MAGI2: variants seen among roughly 807,000 people sequenced by gnomAD.
MAGI2 encodes membrane-associated guanylate kinase, WW and PDZ domain-containing protein 2.
Under a neutral mutation model 133.3 loss-of-function variants are expected in MAGI2, and 35 were observed. The ratio of observed to expected loss-of-function variants is 0.26; its 90% CI spans 0.20 to 0.35. The LOEUF (loss-of-function observed/expected upper bound fraction) is 0.35. Ranked by LOEUF, MAGI2 falls within the 10% of genes least tolerant of loss-of-function variation. The pLI is 1.00. For missense variants in MAGI2, 1,636 were observed against 1,863.4 expected (o/e 0.88, Z 2.25); for synonymous variants, 729 against 710.6 (o/e 1.03, Z -0.41).
At chr7:78,966,414 G>A (rs914061339) in intron 2 of MAGI2, among the ~76,000 whole-genome samples, 2 of 152,056 alleles carry the variant, frequency 1.3e-5, no homozygotes, top group African/African-American at 2.4e-5. Context: ...TCTCATGTAA[G>A]TGAAATCATG....
chr7:79,019,263 T>C (rs1014924413), intron 1 of MAGI2, among the ~76,000 whole-genome samples: 2 of 152,196 alleles, frequency 1.3e-5, no homozygotes, highest in Non-Finnish European at 2.9e-5. Flanking sequence ...AATCCCCACG[T>C]GTCAAGGGCA....
chr7:78,279,945 A>G (rs1354817314), intron 9 of MAGI2, among the ~76,000 whole-genome samples: 1 of 152,174 alleles, frequency 6.6e-6, no homozygotes, highest in Non-Finnish European at 1.5e-5. Flanking sequence ...CCTCAAACCC[A>G]GCAGCAATCT....
chr7:78,297,324 A>G (rs1422124364), intron 9 of MAGI2, among the ~76,000 whole-genome samples: 1 of 152,010 alleles, frequency 6.6e-6, no homozygotes, highest in Non-Finnish European at 1.5e-5. Context: ...AAAAGTCAGG[A>G]AACAACAGGT....
chr7:78,517,212 C>T (rs1020750138), intron 4 of MAGI2, among the ~76,000 whole-genome samples: 3 of 135,776 alleles, frequency 2.2e-5, no homozygotes, highest in African/African-American at 5.0e-5. Context: ...TTTTAAACAT[C>T]GGTTCAAAAA....
At chr7:78,324,446 A>G (rs555942796) in intron 9 of MAGI2, among the ~76,000 whole-genome samples, 1 of 152,286 alleles carries the variant, frequency 6.6e-6, no homozygotes, top group Admixed American at 6.5e-5. Flanking sequence ...GGCTTATTGC[A>G]CACTGCTGGT....
At chr7:79,342,507 A>C (rs1563134259) in intron 1 of MAGI2, among the ~76,000 whole-genome samples, 1 of 152,194 alleles carries the variant, frequency 6.6e-6, no homozygotes, top group Non-Finnish European at 1.5e-5. Flanking sequence ...AATGATTTAG[A>C]TGCTTTTTTA....
intron 7 of MAGI2, among the ~76,000 whole-genome samples, chr7:78,355,743 C>T (rs991882560): frequency 6.6e-6 from 1 of 152,146 alleles, no homozygotes; most frequent in African/African-American, 2.4e-5. Context: ...ACACTTCAGC[C>T]AGGTGATTCT....
intron 6 of MAGI2, among the ~76,000 whole-genome samples, chr7:78,394,271 T>C (rs1796149001): frequency 6.6e-6 from 1 of 152,230 alleles, no homozygotes; most frequent in African/African-American, 2.4e-5. Flanking sequence ...ACCCTACTTA[T>C]GACTGCCAGA....
intron 2 of MAGI2, among the ~76,000 whole-genome samples, chr7:78,629,104 T>C (rs527944761): frequency 1.6e-4 from 24 of 152,274 alleles, no homozygotes; most frequent in African/African-American, 5.3e-4. Flanking sequence ...TGGAGTAACA[T>C]GGCTGTACCA....
chr7:78,491,983 C>A (rs1793664742), intron 5 of MAGI2, among the ~76,000 whole-genome samples: 2 of 151,398 alleles, frequency 1.3e-5, no homozygotes, highest in African/African-American at 4.8e-5. Flanking sequence ...AAATACATTT[C>A]TCTTCCTTTT....
chr7:79,134,475 G>T (rs1478545222), intron 1 of MAGI2, among the ~76,000 whole-genome samples: 1 of 152,118 alleles, frequency 6.6e-6, no homozygotes, highest in African/African-American at 2.4e-5. Flanking sequence ...ATGAGTTTCA[G>T]GAGGTTGGTA....
intron 2 of MAGI2, among the ~76,000 whole-genome samples, chr7:78,857,535 G>A (rs1334259332): frequency 1.3e-5 from 2 of 152,156 alleles, no homozygotes; most frequent in African/African-American, 4.8e-5. Flanking sequence ...GTTTGGTTCT[G>A]TTTATATGAT....
intron 3 of MAGI2, 148 bp from the exon 4 acceptor site, chr7:78,521,793 T>C (rs1029200310): frequency 6.4e-6 from 4 of 622,106 alleles, no homozygotes; most frequent in Non-Finnish European, 2.8e-6. Context: ...TGGTTTTCTA[T>C]CTATGTGTCT....
intron 2 of MAGI2, among the ~76,000 whole-genome samples, chr7:78,755,795 T>C (rs1343296126): frequency 6.6e-5 from 10 of 152,230 alleles, no homozygotes; most frequent in African/African-American, 2.4e-4. Flanking sequence ...CAAATAAGTA[T>C]GTTCCCCTAT....
chr7:78,041,973 G>A (rs1342959635), intron 21 of MAGI2, among the ~76,000 whole-genome samples: 17 of 152,142 alleles, frequency 1.1e-4, no homozygotes, highest in African/African-American at 3.1e-4. Context: ...GGGGTCTGCC[G>A]CATTGCGGAC....
chr7:78,044,687 G>GTGTGTA (rs1554419091), intron 21 of MAGI2, among the ~76,000 whole-genome samples: 1 of 107,758 alleles, frequency 9.3e-6, no homozygotes, highest in African/African-American at 4.1e-5. Context: ...CCGTGTGTGT[G>GTGTGTA]TGTGTGTGTG....
Position 78,861,246 on chromosome 7 carries a change from C to T in MAGI2, c.418+145844G>A, listed in dbSNP as rs141149621. On this transcript the variant is annotated intron_variant, in intron 2 of 21. Transcript: ENST00000354212. The stretch of plus-strand genomic sequence containing the variant: ...TGGGCTGCACCCACTGCCTGACAAG[C>T]CCCAGTGAGATGAACCCAGTACCTC... Among the ~76,000 whole-genome samples the T allele has an allele frequency of 0.012, 1,725 of 147,022 alleles. 95 individuals carry two copies. The East Asian group carries it at 0.14, about 12-fold the overall frequency.
chr7:78,791,130 G>T (rs893402288), intron 2 of MAGI2, among the ~76,000 whole-genome samples: 1 of 152,130 alleles, frequency 6.6e-6, no homozygotes, highest in African/African-American at 2.4e-5. Flanking sequence ...TATAGTAAAG[G>T]CCTCTGGAGA....
chr7:79,041,016 T>A (rs748481454), intron 1 of MAGI2, among the ~76,000 whole-genome samples: 1 of 152,124 alleles, frequency 6.6e-6, no homozygotes. Flanking sequence ...AATGATAAAT[T>A]TTTGACGTGA....
Sources: gnomAD v4.1 joint callset for allele counts (sites outside exome capture counted in the v4.1 genomes callset) on GRCh38, gnomAD v4.1.1 for gene constraint, MANE v1.5 for transcripts, NCBI Gene and HGNC (gene_info 2026-07-23, HGNC 2026-07-21) for gene names.